The following TRPC6 variants were observed in gnomAD, a reference collection of about 807,000 sequenced individuals.
TRPC6 encodes transient receptor potential cation channel subfamily C member 6, also known as short transient receptor potential channel 6.
Under a neutral mutation model 90.7 loss-of-function variants are expected in TRPC6, and 55 were observed. The observed-to-expected ratio is 0.61, with a 90% CI of 0.49 to 0.76. The LOEUF (loss-of-function observed/expected upper bound fraction) is 0.76. Among genes scored for constraint, TRPC6 ranks in the 30% least tolerant of loss-of-function variants. The probability of loss-of-function intolerance (pLI) is 0.00; values close to 1 mark genes in which losing one functional copy is unlikely to be tolerated. For missense variants in TRPC6, 989 were observed against 1,122.7 expected (o/e 0.88, Z 1.70); for synonymous variants, 393 against 393.0 (o/e 1.00, Z 0.00).
chr11:101,518,151 T>C (rs1860564797), intron 1 of TRPC6, among the ~76,000 whole-genome samples: 1 of 152,146 alleles, frequency 6.6e-6, no homozygotes, highest in Non-Finnish European at 1.5e-5. Context: ...ACCATTTCAG[T>C]TGAAAGAAAA....
chr11:101,564,520 T>C (rs367594804), intron 1 of TRPC6, among the ~76,000 whole-genome samples: 1 of 152,172 alleles, frequency 6.6e-6, no homozygotes, highest in South Asian at 2.1e-4. Flanking sequence ...GAGGCATCAT[T>C]GTCTTCCTCC....
In TRPC6 at chr11:101,473,642, A is replaced by G. The variant is rs1859345230; in HGVS notation, c.1876T>C (p.Ser626Pro). ...ATGTCTTTGACTGTTCTTCCAAGTGATATCTGCAGAGGTCCAAAGCTTTCA... is the reference window on the plus strand; with the variant it reads ...ATGTCTTTGACTGTTCTTCCAAGTGGTATCTGCAGAGGTCCAAAGCTTTCA... ...ANESFGPLQI[S>P]LGRTVKDIFK... Residue 626 changes from serine (S) to proline (P), a missense_variant, in exon 7 of 13, where the codon TCA (serine) becomes CCA (proline). Coordinates refer to ENST00000344327, the MANE Select transcript of TRPC6 (RefSeq NM_004621.6). 5 of 1,613,680 alleles carry G rather than the reference A, an allele frequency of 3.1e-6. No individual in the cohort carries two copies. The highest frequency in any genetic ancestry group is 4.2e-6 in the Non-Finnish European group (5 of 1,179,812).
intron 2 of TRPC6, among the ~76,000 whole-genome samples, chr11:101,503,340 T>A (rs557824976): frequency 4.6e-5 from 7 of 152,226 alleles, no homozygotes; most frequent in Non-Finnish European, 1.0e-4. Context: ...CTGGTACACC[T>A]TGGCCTAAAA....
intron 1 of TRPC6, among the ~76,000 whole-genome samples, chr11:101,532,703 A>G (rs1272877378): frequency 5.9e-5 from 9 of 152,204 alleles, no homozygotes; most frequent in Non-Finnish European, 5.9e-5. Context: ...GCTGATAAGA[A>G]GGATACTTTG....
chr11:101,544,240 G>A (rs1024729043), intron 1 of TRPC6, among the ~76,000 whole-genome samples: 1 of 152,186 alleles, frequency 6.6e-6, no homozygotes, highest in African/African-American at 2.4e-5. Flanking sequence ...ACAGATGCTG[G>A]AGAGGATATG....
In TRPC6 at chr11:101,504,737, T is replaced by C; in HGVS notation, c.232A>G (p.Arg78Gly). 6.2e-7 allele frequency: 1 copy of C among 1,600,404 alleles called. No individual in the cohort carries two copies. The highest frequency in any genetic ancestry group is 8.5e-7 in the Non-Finnish European group (1 of 1,173,088). ...RQTVLREKGRRLANRGPAYMF... is the reference protein window; with the variant it reads ...RQTVLREKGRGLANRGPAYMF... The stretch of plus-strand genomic sequence containing the variant: ...TATGCTGGTCCTCGATTAGCTAACC[T>C]TCTCCCCTTCTCACGGAGAACTGTC... Residue 78 changes from arginine to glycine, a missense_variant, in exon 2 of 13, where the codon AGG becomes GGG. Around this residue, in one of 4 missense-constraint regions of TRPC6, gnomAD observed 194 missense variants for 136.5 expected, o/e 1.42. Transcript: ENST00000344327.
At position 101,504,818 on chromosome 11, in the gene TRPC6, T is replaced by C. The variant is rs10501986; in HGVS notation, c.171-20A>G. ...CCCCGGCTGCAATAAAACAGAAAGA[T>C]TGTAAACAAATCACATTAAGAGCAT... On this transcript the variant is annotated intron_variant, in intron 1 of 12. Transcript: ENST00000344327. 704,539 of 1,608,228 alleles carry C rather than the reference T, an allele frequency of 0.44. 157,253 individuals are homozygous for C. The highest frequency in any genetic ancestry group is 0.55 in the African/African-American group (41,149 of 74,654).
At chr11:101,537,132 G>C (rs537361924) in intron 1 of TRPC6, among the ~76,000 whole-genome samples, 1 of 152,120 alleles carries the variant, frequency 6.6e-6, no homozygotes, top group African/African-American at 2.4e-5. Flanking sequence ...ACTTTGAACC[G>C]CACTTTGTTT....
Position 101,471,357 on chromosome 11 carries a change from T to C in TRPC6, c.2235A>G (p.Ala745=). 2.5e-6 allele frequency: 4 copies of C among 1,613,884 alleles called. No homozygotes were observed. Among genetic ancestry groups the C allele is most frequent in the Non-Finnish European group, 3.4e-6 (4 of 1,179,820 alleles). ...AGTAGGAAAACCAGAGTTTGGCCCT[T>C]GCAAATTTCCACTCCACATCAGCGT... The part of the protein sequence containing the change: ...EDDADVEWKF[A]RAKLWFSYFE... The change falls in exon 9 of 13, where the codon GCA becomes GCG. Residue 745 remains alanine (A), a synonymous_variant. Transcript: ENST00000344327.
chr11:101,491,339 C>G, intron 3 of TRPC6: 4 of 432,326 alleles, frequency 9.3e-6, no homozygotes, highest in Non-Finnish European at 1.7e-5. Flanking sequence ...GAGGCTGAGG[C>G]AGGAGAATGG....
Position 101,452,123 on chromosome 11 carries a change from GTGTT to G in TRPC6, c.*828_*831del, listed in dbSNP as rs1379834176. On this transcript the variant is annotated 3_prime_UTR_variant, in exon 13 of 13. Transcript: ENST00000344327. ...GCTATAATGGAACCAAACAACCACA[GTGTT>G]TGTTTGGGGTTTTGATTTTTCTCCA... 6.6e-6 allele frequency: 1 copy of G among 152,230 alleles called. No individual in the cohort carries two copies. The highest frequency in any genetic ancestry group is 1.9e-4 in the East Asian group (1 of 5,170). The allele number at this position is 152,230 out of a possible 1,614,324, so 9.4% of individuals were successfully genotyped here.
intron 1 of TRPC6, among the ~76,000 whole-genome samples, chr11:101,518,238 CAAT>C (rs1378320060): frequency 6.6e-6 from 1 of 152,038 alleles, no homozygotes; most frequent in Non-Finnish European, 1.5e-5. Flanking sequence ...AGGACACAAT[CAAT>C]AAAGTAAAGA....
At chr11:101,515,757 G>T (rs1860502737) in intron 1 of TRPC6, among the ~76,000 whole-genome samples, 3 of 152,104 alleles carry the variant, frequency 2.0e-5, no homozygotes, top group Admixed American at 2.0e-4. Flanking sequence ...GATGGAGTTT[G>T]ATTTTGAGTA....
Position 101,568,776 on chromosome 11 carries a change from G to A in TRPC6, c.170+14558C>T, listed in dbSNP as rs190517274. Reference sequence around the variant, plus strand: ...TCCAGCCAAACTAAGCTTCATAAGCGAAGGGCAAATAAAATCCTTTACAGA... The same window carrying A: ...TCCAGCCAAACTAAGCTTCATAAGCAAAGGGCAAATAAAATCCTTTACAGA... On this transcript the variant is annotated intron_variant, in intron 1 of 12. Transcript: ENST00000344327. Among the ~76,000 whole-genome samples the A allele has an allele frequency of 3.3e-3, 497 of 152,224 alleles. 6 individuals are homozygous for A. Among genetic ancestry groups the A allele is most frequent in the African/African-American group, 0.011 (455 of 41,518 alleles).
Position 101,531,773 on chromosome 11 carries a change from T to C in TRPC6, c.171-26975A>G, listed in dbSNP as rs1860917162. Among the ~76,000 whole-genome samples, 3 of 152,206 alleles carry C rather than the reference T, an allele frequency of 2.0e-5. No homozygotes were observed. The South Asian group carries it at 6.2e-4, about 31-fold the overall frequency. ...TTCCAGTTAGTATTGACATTATATA[T>C]TACATTTTTTTGTATCTTCTATAAC... On this transcript the variant is annotated intron_variant, in intron 1 of 12. Coordinates refer to ENST00000344327, the MANE Select transcript of TRPC6 (RefSeq NM_004621.6).
At chr11:101,549,795 A>C (rs1861411582) in intron 1 of TRPC6, among the ~76,000 whole-genome samples, 2 of 151,562 alleles carry the variant, frequency 1.3e-5, no homozygotes, top group South Asian at 2.1e-4. Flanking sequence ...CTAATAGATA[A>C]ATAGGTAAAT....
chr11:101,497,074 T>C (rs1341501543), intron 2 of TRPC6, among the ~76,000 whole-genome samples: 1 of 152,226 alleles, frequency 6.6e-6, no homozygotes, highest in African/African-American at 2.4e-5. Context: ...GAAAGGAACA[T>C]AGCTGAGTAG....
chr11:101,508,831 A>C (rs1860332284), intron 1 of TRPC6, among the ~76,000 whole-genome samples: 1 of 152,138 alleles, frequency 6.6e-6, no homozygotes, highest in African/African-American at 2.4e-5. Context: ...CAAAATAGTA[A>C]CATATCAAAA....
intron 1 of TRPC6, among the ~76,000 whole-genome samples, chr11:101,568,694 A>G (rs59742038): frequency 0.24 from 36,833 of 152,134 alleles, 4,762 homozygotes; most frequent in East Asian, 0.41. Flanking sequence ...GCTAGGAGAG[A>G]GGAGGGGCCA....
Sources: gnomAD v4.1 joint callset for allele counts (sites outside exome capture counted in the v4.1 genomes callset) on GRCh38, gnomAD v4.1.1 for gene constraint, gnomAD v4.1.1 regional missense constraint, MANE v1.5 for transcripts, NCBI Gene and HGNC (gene_info 2026-07-23, HGNC 2026-07-21) for gene names.